CST8: variants seen among roughly 807,000 people sequenced by gnomAD.
CST8 encodes the protein cystatin 8.
CST8 carries 20 observed loss-of-function variants against 11.8 expected under a neutral mutation model. The ratio of observed to expected loss-of-function variants is 1.70; its 90% CI spans 1.20 to 2.47. The LOEUF (loss-of-function observed/expected upper bound fraction) is 2.47. Among genes scored for constraint, CST8 ranks in the 30% most tolerant of loss-of-function variants. The pLI, the probability that CST8 is intolerant of heterozygous loss-of-function variation, is 0.00. For synonymous variants in CST8, 77 were observed against 63.1 expected (o/e 1.22, Z -1.05); for missense variants, 196 against 167.2 (o/e 1.17, Z -0.95).
In CST8 at chr20:23,491,904, G is replaced by A. The variant is rs778760671; in HGVS notation, c.231+6G>A. 3 of 1,609,266 alleles carry A rather than the reference G, an allele frequency of 1.9e-6. No homozygotes were observed. Among genetic ancestry groups the A allele is most frequent in the Non-Finnish European group, 2.6e-6 (3 of 1,175,584 alleles). On this transcript the variant is annotated splice_donor_region_variant and intron_variant, in intron 2 of 3. Coordinates refer to ENST00000246012, the MANE Select transcript of CST8 (RefSeq NM_005492.4). ...CACTGCAAGCCCAGCTTCAGGTAAA[G>A]GTGTCTTTCCATATAGGTGGACATT... is the stretch of plus-strand genomic sequence containing the variant.
downstream of CST8, chr20:23,496,061 A>T (rs1236240958): frequency 1.4e-5 from 9 of 634,272 alleles, no homozygotes; most frequent in East Asian, 2.5e-4. Flanking sequence ...ATATGTGGGG[A>T]CAGAAGATGG....
At chr20:23,503,013 A>G in the CST8 span, among the ~76,000 whole-genome samples, 5 of 152,324 alleles carry the variant, frequency 3.3e-5, no homozygotes, top group Admixed American at 3.3e-4. Context: ...TAAAGGAGCA[A>G]TCATGGAAGA....
chr20:23,493,572 A>G (rs536301925), intron 3 of CST8, among the ~76,000 whole-genome samples: 106 of 152,160 alleles, frequency 7.0e-4, no homozygotes, highest in African/African-American at 2.5e-3. Context: ...GGGTGGCCCC[A>G]CCCTCCTGGG....
Position 23,495,996 on chromosome 20 carries a change from A to AC in CST8, c.*82_*83insC. 2 of 1,106,652 alleles carry AC rather than the reference A, an allele frequency of 1.8e-6. No individual in the cohort carries two copies. The highest frequency in any genetic ancestry group is 2.7e-6 in the Non-Finnish European group (2 of 744,534). The allele number at this position is 1,106,652 out of a possible 1,614,324, so 68.6% of individuals were successfully genotyped here. A position where few individuals can be genotyped will look rare whatever the true frequency, so the allele number is the denominator to read the frequency against. ...CAATGGCAGGTGGGAGGCTCTTCCC[A>AC]ATGTGCTTTCTTCATGCATGCCTCT... is the stretch of plus-strand genomic sequence containing the variant. On this transcript the variant is annotated 3_prime_UTR_variant, in exon 4 of 4. Transcript: ENST00000246012.
chr20:23,493,653 C>G (rs1319353014), intron 3 of CST8, among the ~76,000 whole-genome samples: 1 of 152,218 alleles, frequency 6.6e-6, no homozygotes, highest in Non-Finnish European at 1.5e-5. Flanking sequence ...AGACTCCCAA[C>G]AAAAGGAGGA....
At position 23,491,760 on chromosome 20, in the gene CST8, G is replaced by A. The variant is rs373167418; in HGVS notation, c.93G>A (p.Val31=). The change falls in exon 2 of 4, where the codon GTG becomes GTA. Residue 31 remains valine, a synonymous_variant. Coordinates refer to ENST00000246012, the MANE Select transcript of CST8 (RefSeq NM_005492.4). ...RKDPKKNETG[V]LRKLKPVNAS... ...ACCCAAAAAAGAATGAGACAGGGGT[G>A]CTGAGGAAATTAAAACCCGTCAATG... 1.1e-5 allele frequency: 18 copies of A among 1,613,932 alleles called. No homozygotes were observed. Among genetic ancestry groups the A allele is most frequent in the East Asian group, 4.5e-5 (2 of 44,872 alleles).
chr20:23,499,926 G>T (rs1171626496), downstream of CST8, among the ~76,000 whole-genome samples: 2 of 152,020 alleles, frequency 1.3e-5, no homozygotes, highest in East Asian at 1.9e-4. Flanking sequence ...TTCTGTAAGC[G>T]GTAGCAGCAG....
At chr20:23,495,159 G>T (rs1988004726) in intron 3 of CST8, among the ~76,000 whole-genome samples, 1 of 152,162 alleles carries the variant, frequency 6.6e-6, no homozygotes. Flanking sequence ...TTTTATGGCT[G>T]TGTAGAATTC....
chr20:23,498,799 T>G (rs1040777915), downstream of CST8, among the ~76,000 whole-genome samples: 3 of 152,220 alleles, frequency 2.0e-5, no homozygotes, highest in Admixed American at 6.5e-5. Context: ...ACATGTATCC[T>G]GATTGAAAGT....
intron 3 of CST8, among the ~76,000 whole-genome samples, chr20:23,495,287 G>A (rs1988009021): frequency 6.6e-6 from 1 of 152,070 alleles, no homozygotes; most frequent in Non-Finnish European, 1.5e-5. Flanking sequence ...ATGTGCATGT[G>A]TCTTCGTGGT....
At chr20:23,502,140 C>T in the CST8 span, among the ~76,000 whole-genome samples, 3 of 152,270 alleles carry the variant, frequency 2.0e-5, no homozygotes, top group Middle Eastern at 0.01. Context: ...CCTTGACTTC[C>T]GTTGTGGATG....
Position 23,495,847 on chromosome 20 carries a change from T to A in CST8, c.362T>A (p.Phe121Tyr). 1.9e-6 allele frequency: 3 copies of A among 1,609,472 alleles called. No individual in the cohort carries two copies. The highest frequency in any genetic ancestry group is 2.2e-5 in the South Asian group (2 of 89,244). ...CTTTTTCAGAAATTAAGCTGCAGCTTTTTGGTAGGAGCACTTCCCTGGAAT... is the reference window on the plus strand; with the variant it reads ...CTTTTTCAGAAATTAAGCTGCAGCTATTTGGTAGGAGCACTTCCCTGGAAT... ...SKLKRKLSCS[F>Y]LVGALPWNGE... Residue 121 changes from phenylalanine to tyrosine, a missense_variant, in exon 4 of 4, where the codon TTT becomes TAT. Transcript: ENST00000246012.
chr20:23,500,429 C>A (rs1250281479), downstream of CST8, among the ~76,000 whole-genome samples: 1 of 152,118 alleles, frequency 6.6e-6, no homozygotes, highest in African/African-American at 2.4e-5. Flanking sequence ...ACCTGTAGGG[C>A]CTTCACCACC....
rs1600297538 is a variant in CST8, at chr20:23,495,821, T to C, written c.346-10T>C. The stretch of plus-strand genomic sequence containing the variant: ...ACTCTACTAATTTTTGTTGTTGTCA[T>C]CTTTTTCAGAAATTAAGCTGCAGCT... On this transcript the variant is annotated splice_polypyrimidine_tract_variant and intron_variant, in intron 3 of 3. Coordinates refer to ENST00000246012, the MANE Select transcript of CST8 (RefSeq NM_005492.4). The C allele has an allele frequency of 1.3e-6, 2 of 1,562,398 alleles. No homozygotes were observed. Among genetic ancestry groups the C allele is most frequent in the East Asian group, 2.2e-5 (1 of 44,482 alleles).
chr20:23,497,277 T>A (rs960427879), downstream of CST8, among the ~76,000 whole-genome samples: 3 of 152,234 alleles, frequency 2.0e-5, no homozygotes, highest in African/African-American at 7.2e-5. Flanking sequence ...CTTCAGCCGG[T>A]CCCTCTGTTC....
the CST8 span, among the ~76,000 whole-genome samples, chr20:23,506,555 A>T: frequency 2.0e-5 from 3 of 152,234 alleles, no homozygotes; most frequent in Non-Finnish European, 2.9e-5. Context: ...TATTCTTCAG[A>T]AATCCCTGAT....
the CST8 span, among the ~76,000 whole-genome samples, chr20:23,503,670 C>A: frequency 6.6e-6 from 1 of 152,208 alleles, no homozygotes; most frequent in Non-Finnish European, 1.5e-5. Context: ...GTAATGAAGT[C>A]ATTATTTTCC....
chr20:23,503,790 T>G, the CST8 span, among the ~76,000 whole-genome samples: 1 of 152,186 alleles, frequency 6.6e-6, no homozygotes, highest in African/African-American at 2.4e-5. Context: ...CCCGCCACTC[T>G]CAGGTGAGAG....
In CST8 at chr20:23,491,830, G is replaced by T. The variant is rs200779140; in HGVS notation, c.163G>T (p.Glu55Ter). The T allele has an allele frequency of 1.2e-6, 2 of 1,614,196 alleles. No homozygotes were observed. The highest frequency in any genetic ancestry group is 1.7e-6 in the Non-Finnish European group (2 of 1,180,020). ...GCAGTGTCTGTGGTTTGCCATGCAAGAATACAACAAAGAGAGCGAGGACAA... is the reference window on the plus strand; with the variant it reads ...GCAGTGTCTGTGGTTTGCCATGCAATAATACAACAAAGAGAGCGAGGACAA... ...VKQCLWFAMQEYNKESEDKYV... is the reference protein window; with the variant it reads ...VKQCLWFAMQ The change falls in exon 2 of 4, where the codon GAA becomes TAA. Residue 55 changes from glutamate (E) to a stop codon, truncating the protein, a stop_gained. Coordinates refer to ENST00000246012, the MANE Select transcript of CST8 (RefSeq NM_005492.4). LOFTEE classifies it high-confidence loss of function.
Sources: gnomAD v4.1 joint callset for allele counts (sites outside exome capture counted in the v4.1 genomes callset) on GRCh38, gnomAD v4.1.1 for gene constraint, MANE v1.5 for transcripts, NCBI Gene and HGNC (gene_info 2026-07-23, HGNC 2026-07-21) for gene names.